Variants in HHAT observed in about 807,000 individuals in gnomAD.
The protein encoded by HHAT is hedgehog acyltransferase.
HHAT carries 47 observed loss-of-function variants against 70.8 expected under a neutral mutation model. The ratio of observed to expected loss-of-function variants is 0.66; its 90% CI spans 0.53 to 0.85. The LOEUF is 0.85. HHAT is among the 40% of genes least tolerant of loss of function. The pLI, the probability that HHAT is intolerant of heterozygous loss-of-function variation, is 0.00. For missense variants in HHAT, 609 were observed against 604.8 expected, an observed-to-expected ratio of 1.01 and a Z score of -0.07; for synonymous variants, 228 against 247.6, an observed-to-expected ratio of 0.92 and a Z score of 0.74.
At chr1:210,424,812 C>T (rs770918436) in intron 7 of HHAT, among the ~76,000 whole-genome samples, 7 of 152,038 alleles carry the variant, frequency 4.6e-5, no homozygotes, top group Admixed American at 2.6e-4. Flanking sequence ...AATGAACATA[C>T]GCGAGTGTGT....
chr1:210,653,020 C>G (rs1675501088), intron 11 of HHAT, among the ~76,000 whole-genome samples: 1 of 152,072 alleles, frequency 6.6e-6, no homozygotes, highest in South Asian at 2.1e-4. Context: ...ATTGTAATAG[C>G]AAAAGATTGG....
intron 7 of HHAT, among the ~76,000 whole-genome samples, chr1:210,425,379 C>G (rs113037893): frequency 0.016 from 2,387 of 152,238 alleles, 61 homozygotes; most frequent in African/African-American, 0.055. Context: ...GCTTTTGTTG[C>G]AATTGCTTTT....
intron 9 of HHAT, among the ~76,000 whole-genome samples, chr1:210,530,896 A>T (rs2095307981): frequency 6.6e-6 from 1 of 152,174 alleles, no homozygotes; most frequent in African/African-American, 2.4e-5. Flanking sequence ...ATGCATATAA[A>T]CAGTCACAAT....
Position 210,587,959 on chromosome 1 carries a change from G to A in HHAT, c.1105G>A (p.Ala369Thr), listed in dbSNP as rs1250855428. 6.2e-7 allele frequency: 1 copy of A among 1,614,166 alleles called. No homozygotes were observed. Among genetic ancestry groups the A allele is most frequent in the African/African-American group, 1.3e-5 (1 of 75,050 alleles). ...CCTGCTGGGGACACTGTTTTCCACGGCGATGACATTTGCATTTGTGAGCTA... is the reference window on the plus strand; with the variant it reads ...CCTGCTGGGGACACTGTTTTCCACGACGATGACATTTGCATTTGTGAGCTA... ...HGLLGTLFST[A>T]MTFAFVSYWH... Residue 369 changes from alanine to threonine, a missense_variant, in exon 10 of 12, where the codon GCG becomes ACG. Physicochemically the swap from Ala to Thr is moderately conservative, Grantham distance 58. Transcript: ENST00000261458.
intron 7 of HHAT, among the ~76,000 whole-genome samples, chr1:210,446,932 A>G (rs2093646954): frequency 6.6e-6 from 1 of 152,212 alleles, no homozygotes; most frequent in African/African-American, 2.4e-5. Context: ...TAGGAACCTT[A>G]GTGAACTTGT....
intron 1 of HHAT, among the ~76,000 whole-genome samples, chr1:210,336,606 A>T (rs954881625): frequency 2.0e-5 from 3 of 151,920 alleles, no homozygotes; most frequent in African/African-American, 7.2e-5. Flanking sequence ...CAACATAGCA[A>T]GATCCTGTCT....
At chr1:210,355,379 C>G (rs1030271365) in intron 2 of HHAT, among the ~76,000 whole-genome samples, 1 of 152,182 alleles carries the variant, frequency 6.6e-6, no homozygotes, top group African/African-American at 2.4e-5. Flanking sequence ...GTTGAACAAG[C>G]TTTACTTACT....
At chr1:210,462,079 A>G (rs2093990353) in intron 7 of HHAT, among the ~76,000 whole-genome samples, 1 of 152,238 alleles carries the variant, frequency 6.6e-6, no homozygotes, top group Admixed American at 6.5e-5. Flanking sequence ...AGACTCAGCC[A>G]TAGATTTTAA....
intron 7 of HHAT, among the ~76,000 whole-genome samples, chr1:210,464,094 A>G (rs2094041931): frequency 6.6e-6 from 1 of 152,102 alleles, no homozygotes; most frequent in Non-Finnish European, 1.5e-5. Context: ...TGTGTATTTA[A>G]TTATTGACTA....
At chr1:210,422,042 C>A (rs188959319) in intron 7 of HHAT, among the ~76,000 whole-genome samples, 1 of 152,124 alleles carries the variant, frequency 6.6e-6, no homozygotes, top group Non-Finnish European at 1.5e-5. Context: ...TAAAAATATT[C>A]TCCACTTTCT....
intron 1 of HHAT, among the ~76,000 whole-genome samples, chr1:210,337,960 A>G (rs753682906): frequency 2.0e-5 from 3 of 152,232 alleles, no homozygotes; most frequent in Non-Finnish European, 2.9e-5. Context: ...AGTTTCTGAA[A>G]GAAAAGTGAT....
Position 210,615,725 on chromosome 1 carries a change from A to G in HHAT, c.1246-7801A>G, listed in dbSNP as rs562511941. Among the ~76,000 whole-genome samples the G allele has an allele frequency of 2.3e-3, 353 of 152,370 alleles. 1 individual carries two copies. Among genetic ancestry groups the G allele is most frequent in the Non-Finnish European group, 4.0e-3 (273 of 68,034 alleles). On this transcript the variant is annotated intron_variant, in intron 10 of 11. Coordinates refer to ENST00000261458, the MANE Select transcript of HHAT (RefSeq NM_018194.6). The stretch of plus-strand genomic sequence containing the variant: ...CACTCCAGACCCTGTTTGCCTAGGT[A>G]TCAGCAGTGGAGGCTGCAGAGCAGC...
chr1:210,520,665 G>A (rs2095142893), intron 9 of HHAT, among the ~76,000 whole-genome samples: 1 of 152,134 alleles, frequency 6.6e-6, no homozygotes, highest in South Asian at 2.1e-4. Flanking sequence ...CATTGTCTCT[G>A]AAACATTAAA....
chr1:210,453,338 T>C (rs1166797157), intron 7 of HHAT, among the ~76,000 whole-genome samples: 2 of 152,216 alleles, frequency 1.3e-5, no homozygotes, highest in African/African-American at 4.8e-5. Context: ...CTAAAGCTAC[T>C]CTGGGATTTA....
intron 2 of HHAT, among the ~76,000 whole-genome samples, chr1:210,360,722 T>A (rs1003383527): frequency 1.3e-5 from 2 of 152,132 alleles, no homozygotes; most frequent in Admixed American, 1.3e-4. Context: ...GCTATAAAGA[T>A]GACATGTAAA....
intron 8 of HHAT, among the ~76,000 whole-genome samples, chr1:210,487,883 G>A (rs2094496324): frequency 6.6e-6 from 1 of 152,092 alleles, no homozygotes. Flanking sequence ...TGCATACCAA[G>A]GCAACCTTTA....
chr1:210,651,386 A>C (rs1254468662), intron 11 of HHAT, among the ~76,000 whole-genome samples: 3 of 152,228 alleles, frequency 2.0e-5, no homozygotes, highest in Non-Finnish European at 4.4e-5. Context: ...AAAAAGGGAC[A>C]CTGAGGCATC....
chr1:210,485,691 AAG>A lies in HHAT; in HGVS notation c.1007+21042_1007+21043del, dbSNP rs147030251. Among the ~76,000 whole-genome samples, 136 of 152,276 alleles carry A rather than the reference AAG, an allele frequency of 8.9e-4. 2 individuals are homozygous for A. The East Asian group carries it at 0.019, about 21-fold the overall frequency. On this transcript the variant is annotated intron_variant, in intron 8 of 11. Coordinates refer to ENST00000261458, the MANE Select transcript of HHAT (RefSeq NM_018194.6). ...CATCTTAAATGGATGGCAGCAGACA[AAG>A]AGAGAATGAGAACCAAGCAAAACAG...
intron 2 of HHAT, among the ~76,000 whole-genome samples, chr1:210,352,932 C>CTTT (rs779828953): frequency 7.3e-6 from 1 of 137,516 alleles, no homozygotes; most frequent in Non-Finnish European, 1.6e-5. Flanking sequence ...TCTCTGTTTA[C>CTTT]TTTTTTTTTT....
Sources: gnomAD v4.1 joint callset for allele counts (sites outside exome capture counted in the v4.1 genomes callset) on GRCh38, gnomAD v4.1.1 for gene constraint, MANE v1.5 for transcripts, NCBI Gene and HGNC (gene_info 2026-07-23, HGNC 2026-07-21) for gene names.